MYBL2: variants seen among roughly 807,000 people sequenced by gnomAD.
MYBL2 encodes the protein myb-related protein B.
In MYBL2, 28 loss-of-function variants were observed where a neutral mutation model predicts 79.9. That is an observed-to-expected ratio of 0.35 (90% confidence interval 0.26 to 0.48). The LOEUF is 0.48. MYBL2 is among the 20% of genes least tolerant of loss of function. The pLI, the probability that MYBL2 is intolerant of heterozygous loss-of-function variation, is 0.99. For missense variants in MYBL2, 735 were observed against 893.9 expected (o/e 0.82, Z 2.27); for synonymous variants, 378 against 361.2 (o/e 1.05, Z -0.53).
chr20:43,697,896 C>T (rs1987581307), intron 6 of MYBL2, among the ~76,000 whole-genome samples: 1 of 136,746 alleles, frequency 7.3e-6, no homozygotes, highest in Non-Finnish European at 1.5e-5. Flanking sequence ...GCCTGGGCAA[C>T]AGAGTGAGAC....
intron 5 of MYBL2, among the ~76,000 whole-genome samples, chr20:43,690,944 G>T (rs1568861669): frequency 6.6e-6 from 1 of 152,138 alleles, no homozygotes; most frequent in South Asian, 2.1e-4. Flanking sequence ...CCGTCCTTCT[G>T]TATTACTCTA....
rs573992449 is a variant in MYBL2 at position 43,685,961 on chromosome 20, C to T, written c.280-891C>T. ...CTGAGGCAGGAGAATCACTTGAACC[C>T]GGAAGGCGGAGGTTGTGGTGAGCCA... On this transcript the variant is annotated intron_variant, in intron 4 of 13. Coordinates refer to ENST00000217026, the MANE Select transcript of MYBL2 (RefSeq NM_002466.4). Among the ~76,000 whole-genome samples, 34 of 152,088 alleles carry T rather than the reference C, an allele frequency of 2.2e-4. No individual in the cohort carries two copies. In the South Asian group the frequency reaches 2.9e-3, roughly 13 times the overall value.
At chr20:43,678,274 G>C (rs1353444426) in intron 2 of MYBL2, among the ~76,000 whole-genome samples, 3 of 149,806 alleles carry the variant, frequency 2.0e-5, no homozygotes, top group Non-Finnish European at 2.9e-5. Context: ...ATCCCCCTCT[G>C]CGAGAAACAC....
Position 43,710,160 on chromosome 20 carries a change from C to T in MYBL2, c.1605+98C>T, listed in dbSNP as rs1987874325. The T allele has an allele frequency of 4.3e-6, 4 of 939,568 alleles. No homozygotes were observed. In the South Asian group the frequency reaches 6.6e-5, roughly 15 times the overall value. The allele number at this position is 939,568 out of a possible 1,614,324, so 58.2% of individuals were successfully genotyped here. ...CACAGGACCCTTCCCTCTGAGGTCT[C>T]ATTTGATTCTTTCTCCTGAGAAGAT... On this transcript the variant is annotated intron_variant, in intron 10 of 13. Coordinates refer to ENST00000217026, the MANE Select transcript of MYBL2 (RefSeq NM_002466.4).
intron 8 of MYBL2, among the ~76,000 whole-genome samples, chr20:43,704,081 A>C (rs1159175785): frequency 5.3e-5 from 8 of 152,046 alleles, no homozygotes; most frequent in African/African-American, 1.9e-4. Flanking sequence ...TGGCATGATC[A>C]CAGCTCACTG....
At chr20:43,714,026 G>T (rs1415752960) in intron 12 of MYBL2, among the ~76,000 whole-genome samples, 1 of 152,164 alleles carries the variant, frequency 6.6e-6, no homozygotes, top group African/African-American at 2.4e-5. Flanking sequence ...CTGGCTAGGG[G>T]TCTCTGACAG....
intron 9 of MYBL2, 60 bp downstream of exon 9, chr20:43,705,418 G>A: frequency 6.6e-7 from 1 of 1,522,916 alleles, no homozygotes; most frequent in Non-Finnish European, 8.8e-7. Context: ...CCAGACCATG[G>A]GCCTTGGGAC....
At chr20:43,691,861 T>A (rs1186976589) in intron 5 of MYBL2, among the ~76,000 whole-genome samples, 1 of 151,750 alleles carries the variant, frequency 6.6e-6, no homozygotes, top group African/African-American at 2.4e-5. Flanking sequence ...TTTTTTTAAT[T>A]AAAAAAAATT....
intron 4 of MYBL2, among the ~76,000 whole-genome samples, chr20:43,685,914 G>T (rs1415094491): frequency 6.6e-6 from 1 of 152,118 alleles, no homozygotes; most frequent in Non-Finnish European, 1.5e-5. Context: ...GTGCATGCCT[G>T]TAATCTCAGC....
At chr20:43,680,339 A>G (rs962577225) in intron 2 of MYBL2, among the ~76,000 whole-genome samples, 11 of 152,042 alleles carry the variant, frequency 7.2e-5, no homozygotes, top group African/African-American at 2.7e-4. Context: ...GATTTTGACT[A>G]TTTTAGATGC....
rs1475452530 is a variant in MYBL2, at chr20:43,681,905, AAC to A, written c.186+52_186+53del. ...TCCCTCGGGGCAAGGGCTCTGGGAG[AAC>A]AGTGTGCCTGGGACAGACTTTGCCA... On this transcript the variant is annotated intron_variant, in intron 3 of 13. Coordinates refer to ENST00000217026, the MANE Select transcript of MYBL2 (RefSeq NM_002466.4). 3.8e-6 allele frequency: 6 copies of A among 1,591,980 alleles called. No homozygotes were observed. In the South Asian group the frequency reaches 6.6e-5, roughly 18 times the overall value.
intron 12 of MYBL2, among the ~76,000 whole-genome samples, chr20:43,714,650 C>T (rs111440673): frequency 2.0e-5 from 3 of 151,630 alleles, no homozygotes; most frequent in Non-Finnish European, 2.9e-5. Context: ...TTTTTTGAGA[C>T]GGAGTCTGGC....
At chr20:43,689,892 G>C (rs55959700) in intron 5 of MYBL2, among the ~76,000 whole-genome samples, 1,712 of 152,282 alleles carry the variant, frequency 0.011, 32 homozygotes, top group African/African-American at 0.04. Flanking sequence ...GAGTGGGAGG[G>C]CTGGGGAGGT....
intron 5 of MYBL2, among the ~76,000 whole-genome samples, chr20:43,690,751 C>T (rs995197675): frequency 1.3e-5 from 2 of 151,116 alleles, no homozygotes; most frequent in Non-Finnish European, 2.9e-5. Flanking sequence ...CAGCACAGTA[C>T]CTTTGTATTT....
intron 10 of MYBL2, 81 bp downstream of exon 10, chr20:43,710,143 C>A: frequency 3.5e-6 from 4 of 1,132,820 alleles, no homozygotes; most frequent in Non-Finnish European, 3.7e-6. Flanking sequence ...TCCACAGGAC[C>A]CTTCCCTCTG....
chr20:43,667,251 GC>G lies in MYBL2; in HGVS notation c.-32del. 1 of 1,215,752 alleles carries G rather than the reference GC, an allele frequency of 8.2e-7. No individual in the cohort carries two copies. The highest frequency in any genetic ancestry group is 1.0e-6 in the Non-Finnish European group (1 of 977,354). The allele number at this position is 1,215,752 out of a possible 1,614,324, so 75.3% of individuals were successfully genotyped here. On this transcript the variant is annotated 5_prime_UTR_variant, in exon 1 of 14. Coordinates refer to ENST00000217026, the MANE Select transcript of MYBL2 (RefSeq NM_002466.4). ...CTCCCGCTCCGGGCTCTGCCGGCGG[GC>G]GGGCGAGCGCGGCGCGGTCCGGGCC...
At chr20:43,693,670 T>C (rs1394431375) in intron 6 of MYBL2, among the ~76,000 whole-genome samples, 3 of 152,200 alleles carry the variant, frequency 2.0e-5, no homozygotes, top group Non-Finnish European at 4.4e-5. Context: ...AATCAGTATA[T>C]ACTTATGTTA....
intron 8 of MYBL2, 120 bp from the exon 9 acceptor site, chr20:43,705,099 A>C: frequency 7.7e-7 from 1 of 1,295,128 alleles, no homozygotes; most frequent in East Asian, 2.4e-5. Context: ...AGGGGACCTC[A>C]GTATCAGAGC....
chr20:43,708,960 G>A (rs1460146997), intron 9 of MYBL2, among the ~76,000 whole-genome samples: 1 of 152,194 alleles, frequency 6.6e-6, no homozygotes, highest in African/African-American at 2.4e-5. Context: ...GGATAACAAG[G>A]GTTTGGGAAG....
Sources: gnomAD v4.1 joint callset for allele counts (sites outside exome capture counted in the v4.1 genomes callset) on GRCh38, gnomAD v4.1.1 for gene constraint, MANE v1.5 for transcripts, NCBI Gene and HGNC (gene_info 2026-07-23, HGNC 2026-07-21) for gene names.